Variants in KIRREL1 observed in about 807,000 individuals in gnomAD.
The protein encoded by KIRREL1 is kin of IRRE-like protein 1.
KIRREL1 carries 25 observed loss-of-function variants against 83.3 expected under a neutral mutation model. The ratio of observed to expected loss-of-function variants is 0.30; its 90% CI spans 0.22 to 0.42. The LOEUF (loss-of-function observed/expected upper bound fraction) is 0.42, where lower values mean the gene tolerates loss of function less well. KIRREL1 is among the 10% of genes least tolerant of loss of function. The pLI is 1.00. For missense variants in KIRREL1, 812 were observed against 1,032.3 expected (o/e 0.79, Z 2.92); for synonymous variants, 388 against 410.4 (o/e 0.95, Z 0.66).
At chr1:158,085,825 T>C (rs1363155901) in intron 4 of KIRREL1, among the ~76,000 whole-genome samples, 1 of 152,176 alleles carries the variant, frequency 6.6e-6, no homozygotes, top group Non-Finnish European at 1.5e-5. Context: ...GTGTAAGACT[T>C]CGAGCCTGTG....
intron 1 of KIRREL1, among the ~76,000 whole-genome samples, chr1:158,064,148 T>C (rs1396151339): frequency 6.6e-6 from 1 of 152,152 alleles, no homozygotes; most frequent in Non-Finnish European, 1.5e-5. Context: ...AAGATTACAT[T>C]TATTGCCTCA....
At chr1:158,023,691 T>C (rs1660069581) in intron 1 of KIRREL1, among the ~76,000 whole-genome samples, 1 of 152,180 alleles carries the variant, frequency 6.6e-6, no homozygotes, top group Admixed American at 6.5e-5. Context: ...ATTTTACTGC[T>C]CTAACATTCA....
chr1:158,040,968 A>C (rs11264880), intron 1 of KIRREL1, among the ~76,000 whole-genome samples: 11 of 151,876 alleles, frequency 7.2e-5, no homozygotes, highest in East Asian at 3.9e-4. Flanking sequence ...GGGTAGGGGG[A>C]GCTGGGCATG....
At chr1:158,076,667 C>T (rs1388454702) in intron 2 of KIRREL1, among the ~76,000 whole-genome samples, 3 of 152,210 alleles carry the variant, frequency 2.0e-5, no homozygotes, top group East Asian at 1.9e-4. Flanking sequence ...TGTCTCATGC[C>T]GGCCTGGCTC....
At chr1:158,072,962 A>C (rs576581690) in intron 1 of KIRREL1, among the ~76,000 whole-genome samples, 1 of 152,170 alleles carries the variant, frequency 6.6e-6, no homozygotes, top group Non-Finnish European at 1.5e-5. Flanking sequence ...TCAAGAAGCC[A>C]CTAAAAACCC....
Position 158,093,682 on chromosome 1 carries a change from C to T in KIRREL1, c.1639C>T (p.Pro547Ser), listed in dbSNP as rs1227318256. Residue 547 changes from proline to serine, a missense_variant, in exon 13 of 15, where the codon CCA becomes TCA. By Grantham distance (74) the Pro-to-Ser change is moderately conservative (BLOSUM62 -1). Coordinates refer to ENST00000359209, the MANE Select transcript of KIRREL1 (RefSeq NM_018240.7). ...DIKVETVNREPLTMHSDREDD... is the reference protein window; with the variant it reads ...DIKVETVNRESLTMHSDREDD... Reference sequence around the variant, plus strand: ...CAAGGTGGAGACAGTGAACCGAGAGCCACTTACGATGCATTCTGACCGGGA... The same window carrying T: ...CAAGGTGGAGACAGTGAACCGAGAGTCACTTACGATGCATTCTGACCGGGA... 6.2e-7 allele frequency: 1 copy of T among 1,614,040 alleles called. No homozygotes were observed. Among genetic ancestry groups the T allele is most frequent in the Non-Finnish European group, 8.5e-7 (1 of 1,180,034 alleles).
At chr1:157,997,100 A>C (rs1659227039) in intron 1 of KIRREL1, among the ~76,000 whole-genome samples, 1 of 152,184 alleles carries the variant, frequency 6.6e-6, no homozygotes, top group Non-Finnish European at 1.5e-5. Flanking sequence ...GTGCCCCTTA[A>C]ATATCTGATC....
At chr1:157,998,127 C>T (rs999946176) in intron 1 of KIRREL1, among the ~76,000 whole-genome samples, 3 of 152,194 alleles carry the variant, frequency 2.0e-5, no homozygotes, top group Admixed American at 2.0e-4. Flanking sequence ...ATCTCGGCTT[C>T]CCAAAGTGCC....
chr1:158,002,964 A>G (rs1482269556), intron 1 of KIRREL1, among the ~76,000 whole-genome samples: 2 of 152,110 alleles, frequency 1.3e-5, no homozygotes, highest in Admixed American at 6.5e-5. Context: ...ACTTCCCCCA[A>G]ATCGAATCTC....
rs1039177405 is a variant in KIRREL1, at chr1:158,091,257, C to T, written c.1273-101C>T. The stretch of plus-strand genomic sequence containing the variant: ...CTGGGCTTGTGGGGCACACATGGCA[C>T]ATAGGGGTGAGGGTGCCTTGAGGGT... On this transcript the variant is annotated intron_variant, in intron 10 of 14. Transcript: ENST00000359209. 28 of 1,086,884 alleles carry T rather than the reference C, an allele frequency of 2.6e-5. No homozygotes were observed. The African/African-American group carries it at 3.9e-4, about 15-fold the overall frequency. 67.3% of individuals were successfully genotyped at this position (1,086,884 alleles called of 1,614,324 possible).
chr1:158,069,302 TTGTGTGTGTGTGTGTG>T (rs57076623), intron 1 of KIRREL1, among the ~76,000 whole-genome samples: 39 of 143,372 alleles, frequency 2.7e-4, no homozygotes, highest in South Asian at 2.4e-4. Context: ...TATGACGTAC[TTGTGTGTGTGTGTGTG>T]TGTGTGTGTG....
chr1:158,067,735 C>T (rs1661392977), intron 1 of KIRREL1, among the ~76,000 whole-genome samples: 1 of 152,238 alleles, frequency 6.6e-6, no homozygotes, highest in Non-Finnish European at 1.5e-5. Flanking sequence ...CAGGACTGTG[C>T]TGGGCTGATC....
chr1:158,094,545 T>C lies in KIRREL1; in HGVS notation c.1798-99T>C, dbSNP rs1002982575. The C allele has an allele frequency of 8.4e-5, 104 of 1,245,380 alleles. No individual in the cohort carries two copies. The highest frequency in any genetic ancestry group is 1.2e-4 in the Non-Finnish European group (104 of 858,744). The allele number at this position is 1,245,380 out of a possible 1,614,324, so 77.1% of individuals were successfully genotyped here. Reference sequence around the variant, plus strand: ...GGAGGTGGAATGCTAGATGGGGACATAGGGAGAGCTGGAGGAAGAGGCCCA... The same window carrying C: ...GGAGGTGGAATGCTAGATGGGGACACAGGGAGAGCTGGAGGAAGAGGCCCA... On this transcript the variant is annotated intron_variant, in intron 14 of 14. Coordinates refer to ENST00000359209, the MANE Select transcript of KIRREL1 (RefSeq NM_018240.7). This position sits in a 1 kb window ranked among gnomAD's most constrained non-coding sequence, Gnocchi z 4.6.
rs971215780 is a variant in KIRREL1, at chr1:158,096,499, G to A, written c.*1379G>A. The stretch of plus-strand genomic sequence containing the variant: ...GGTACTTGTGAGCCTCGGACACACT[G>A]TTAAGTGTTACAGTGTTAGGAGAGA... On this transcript the variant is annotated 3_prime_UTR_variant, in exon 15 of 15. Coordinates refer to ENST00000359209, the MANE Select transcript of KIRREL1 (RefSeq NM_018240.7). The A allele has an allele frequency of 6.7e-6, 3 of 444,920 alleles. No individual in the cohort carries two copies. Among genetic ancestry groups the A allele is most frequent in the Non-Finnish European group, 1.4e-5 (3 of 219,900 alleles). The allele number at this position is 444,920 out of a possible 1,614,324, so 27.6% of individuals were successfully genotyped here.
chr1:158,076,097 G>A lies in KIRREL1; in HGVS notation c.53-16G>A. 6.2e-7 allele frequency: 1 copy of A among 1,612,330 alleles called. No homozygotes were observed. The highest frequency in any genetic ancestry group is 8.5e-7 in the Non-Finnish European group (1 of 1,179,324). On this transcript the variant is annotated splice_polypyrimidine_tract_variant and intron_variant, in intron 1 of 14. Transcript: ENST00000359209. ...CTCCTTACTCATCTTACCCAGTGCTGGCTTTGGCTTTGCAGGGACCCAGAC... is the reference window on the plus strand; with the variant it reads ...CTCCTTACTCATCTTACCCAGTGCTAGCTTTGGCTTTGCAGGGACCCAGAC...
In KIRREL1 at chr1:158,001,124, T is replaced by G. The variant is rs116367838; in HGVS notation, c.52+7396T>G. 7.4e-3 allele frequency among the ~76,000 whole-genome samples: 1,129 copies of G among 152,258 alleles called. 14 individuals are homozygous for G. Among genetic ancestry groups the G allele is most frequent in the African/African-American group, 0.026 (1,083 of 41,526 alleles). On this transcript the variant is annotated intron_variant, in intron 1 of 14. Coordinates refer to ENST00000359209, the MANE Select transcript of KIRREL1 (RefSeq NM_018240.7). ...GACTAGGCCATTGGATGCCTTTTCTTTTTGCCCCTTCTTTCCTTCTGAGGC... is the reference window on the plus strand; with the variant it reads ...GACTAGGCCATTGGATGCCTTTTCTGTTTGCCCCTTCTTTCCTTCTGAGGC...
chr1:158,088,706 G>C (rs113787141), intron 8 of KIRREL1, among the ~76,000 whole-genome samples: 4,789 of 151,560 alleles, frequency 0.032, 256 homozygotes, highest in African/African-American at 0.11. Context: ...GGATGGTCTC[G>C]ATCTCCTGAC....
Position 158,097,861 on chromosome 1 carries a change from T to A in KIRREL1, c.*2741T>A, listed in dbSNP as rs995069425. 2 of 152,242 alleles carry A rather than the reference T, an allele frequency of 1.3e-5. No homozygotes were observed. The highest frequency in any genetic ancestry group is 2.9e-5 in the Non-Finnish European group (2 of 68,052). The allele number at this position is 152,242 out of a possible 1,614,324, so 9.4% of individuals were successfully genotyped here. A position where few individuals can be genotyped will look rare whatever the true frequency, so the allele number is the denominator to read the frequency against. On this transcript the variant is annotated 3_prime_UTR_variant, in exon 15 of 15. Coordinates refer to ENST00000359209, the MANE Select transcript of KIRREL1 (RefSeq NM_018240.7). ...GAGACCCAGGACCCAGTCCTGAAGC[T>A]GCAAAGGTTAGATCTCGGCCTAACT... is the stretch of plus-strand genomic sequence containing the variant.
intron 4 of KIRREL1, among the ~76,000 whole-genome samples, chr1:158,086,363 T>C (rs771650988): frequency 1.3e-5 from 2 of 151,834 alleles, no homozygotes; most frequent in Non-Finnish European, 2.9e-5. Context: ...CTGGGCAACA[T>C]AGCAAGACCC....
Sources: allele counts gnomAD v4.1 joint callset (sites outside exome capture counted in the v4.1 genomes callset), GRCh38; gene constraint gnomAD v4.1.1; non-coding constraint Gnocchi (gnomAD v3.1); transcripts MANE v1.5; gene names NCBI Gene and HGNC (gene_info 2026-07-23, HGNC 2026-07-21).